Variants in PIK3C2G observed in about 807,000 individuals in gnomAD.
PIK3C2G encodes the protein phosphatidylinositol 3-kinase C2 domain-containing subunit gamma.
A neutral mutation model predicts 181.1 loss-of-function variants in PIK3C2G; 168 were observed. That is an observed-to-expected ratio of 0.93 (90% CI 0.82 to 1.05). The LOEUF (loss-of-function observed/expected upper bound fraction) is 1.05, where lower values mean the gene tolerates loss of function less well. Among genes scored for constraint, PIK3C2G ranks in the 50% least tolerant of loss-of-function variants. PIK3C2G has a pLI of 0.00. For synonymous variants in PIK3C2G, 573 were observed against 592.2 expected (o/e 0.97, Z 0.47); for missense variants, 1,869 against 1,732.8 (o/e 1.08, Z -1.40).
At position 18,290,836 on chromosome 12, in the gene PIK3C2G, C is replaced by G; in HGVS notation, c.762-19C>G. 1 of 1,537,668 alleles carries G rather than the reference C, an allele frequency of 6.5e-7. No homozygotes were observed. The highest frequency in any genetic ancestry group is 9.0e-7 in the Non-Finnish European group (1 of 1,116,320). On this transcript the variant is annotated intron_variant, in intron 3 of 32. Transcript: ENST00000538779. The stretch of plus-strand genomic sequence containing the variant: ...TGCAGGTCTTGTCCTAAGTATTTTT[C>G]TTAACATATGTTTTTCAGAATCAGA...
At chr12:18,540,899 ACT>A (rs1043624018) in intron 25 of PIK3C2G, among the ~76,000 whole-genome samples, 2 of 151,722 alleles carry the variant, frequency 1.3e-5, no homozygotes, top group African/African-American at 2.4e-5. Context: ...TTACCTCTCA[ACT>A]CTCTTCTTCT....
chr12:18,546,262 T>G lies in PIK3C2G; in HGVS notation c.3481-61T>G, dbSNP rs904433807. ...TCTGGGTAGAATTAATCAAGTAAGC[T>G]TGATTGTATCTGCATTTATTCTGTC... On this transcript the variant is annotated intron_variant, in intron 25 of 32. Coordinates refer to ENST00000538779, the MANE Select transcript of PIK3C2G (RefSeq NM_001288772.2). 3.2e-5 allele frequency: 32 copies of G among 1,007,796 alleles called. No individual in the cohort carries two copies. In the East Asian group the frequency reaches 8.1e-4, roughly 25 times the overall value. The allele number at this position is 1,007,796 out of a possible 1,614,324, so 62.4% of individuals were successfully genotyped here. A position where few individuals can be genotyped will look rare whatever the true frequency, so the allele number is the denominator to read the frequency against.
At chr12:18,394,805 G>A (rs1489417937) in intron 15 of PIK3C2G, among the ~76,000 whole-genome samples, 2 of 151,880 alleles carry the variant, frequency 1.3e-5, no homozygotes, top group African/African-American at 4.8e-5. Context: ...CTTGTAACCT[G>A]AGGGACAATA....
chr12:18,356,927 C>T (rs767016723), intron 11 of PIK3C2G, among the ~76,000 whole-genome samples: 9 of 151,982 alleles, frequency 5.9e-5, no homozygotes, highest in Admixed American at 6.6e-5. Context: ...CAGGAAGACA[C>T]GTCCTCACTT....
intron 7 of PIK3C2G, among the ~76,000 whole-genome samples, chr12:18,322,781 G>C (rs1951168335): frequency 6.6e-6 from 1 of 152,170 alleles, no homozygotes; most frequent in African/African-American, 2.4e-5. Context: ...GAATGGCTAG[G>C]ACTAGAAAGG....
intron 1 of PIK3C2G, 143 bp from the exon 2 acceptor site, chr12:18,281,861 G>C: frequency 2.0e-6 from 1 of 501,802 alleles, no homozygotes; most frequent in Admixed American, 3.7e-5. Context: ...CCCTGATAGA[G>C]TTTTATAGTA....
At chr12:18,350,914 C>T (rs1175963043) in intron 11 of PIK3C2G, among the ~76,000 whole-genome samples, 1 of 152,042 alleles carries the variant, frequency 6.6e-6, no homozygotes, top group Non-Finnish European at 1.5e-5. Flanking sequence ...GGAATTAATA[C>T]ATTACTGAGA....
chr12:18,610,810 A>C (rs985206279), intron 31 of PIK3C2G, among the ~76,000 whole-genome samples: 1 of 151,834 alleles, frequency 6.6e-6, no homozygotes, highest in African/African-American at 2.4e-5. Flanking sequence ...ATTAAGAAAT[A>C]TTAATCAAGT....
chr12:18,418,838 A>G (rs1237571783), intron 16 of PIK3C2G, among the ~76,000 whole-genome samples: 1 of 152,152 alleles, frequency 6.6e-6, no homozygotes, highest in Admixed American at 6.6e-5. Flanking sequence ...GGAGTTATCA[A>G]CTCCACAGGG....
chr12:18,523,569 G>T (rs1943047828), intron 24 of PIK3C2G, among the ~76,000 whole-genome samples: 1 of 152,200 alleles, frequency 6.6e-6, no homozygotes, highest in Non-Finnish European at 1.5e-5. Flanking sequence ...GGCTCAGTTG[G>T]ATTACCTGTT....
chr12:18,708,807 T>C, the PIK3C2G span, among the ~76,000 whole-genome samples: 1 of 152,206 alleles, frequency 6.6e-6, no homozygotes, highest in Admixed American at 6.5e-5. Context: ...CATTTTTATG[T>C]CTTCTTTGGA....
chr12:18,496,260 T>C lies in PIK3C2G; in HGVS notation c.2886+106T>C, dbSNP rs1047459676. On this transcript the variant is annotated intron_variant, in intron 21 of 32. Coordinates refer to ENST00000538779, the MANE Select transcript of PIK3C2G (RefSeq NM_001288772.2). ...GCTATTTTCCTCCAGCAACAACACA[T>C]AGGTTTTTCAGTTATTTTAGAGTCT... The C allele has an allele frequency of 1.3e-4, 94 of 700,256 alleles. No homozygotes were observed. The South Asian group carries it at 1.5e-3, about 11-fold the overall frequency. The allele number at this position is 700,256 out of a possible 1,614,324, so 43.4% of individuals were successfully genotyped here.
intron 5 of PIK3C2G, among the ~76,000 whole-genome samples, chr12:18,313,700 T>A (rs1171542886): frequency 6.6e-6 from 1 of 152,116 alleles, no homozygotes; most frequent in Non-Finnish European, 1.5e-5. Flanking sequence ...TTTTCTAACT[T>A]ATTAATGCAC....
chr12:18,296,322 GA>G (rs779827396), intron 5 of PIK3C2G, among the ~76,000 whole-genome samples: 1 of 152,072 alleles, frequency 6.6e-6, no homozygotes, highest in Non-Finnish European at 1.5e-5. Flanking sequence ...GATGTTGTTA[GA>G]AAAAGAATTC....
At chr12:18,683,548 C>T in the PIK3C2G span, 1 of 1,500,088 alleles carries the variant, frequency 6.7e-7, no homozygotes, top group Non-Finnish European at 8.9e-7. Flanking sequence ...TCATACTTCT[C>T]CTTCCGCAAA....
chr12:18,437,802 A>G (rs1267592915), intron 18 of PIK3C2G, among the ~76,000 whole-genome samples: 2 of 151,994 alleles, frequency 1.3e-5, no homozygotes, highest in East Asian at 3.8e-4. Context: ...TAGATAATCA[A>G]TTACTAGATA....
At chr12:18,367,519 C>T (rs1350173321) in intron 12 of PIK3C2G, among the ~76,000 whole-genome samples, 6 of 152,064 alleles carry the variant, frequency 3.9e-5, no homozygotes, top group Admixed American at 3.3e-4. Context: ...CATAAAGATA[C>T]TACAAGAGAC....
intron 26 of PIK3C2G, among the ~76,000 whole-genome samples, chr12:18,550,324 G>A (rs1307053898): frequency 6.6e-6 from 1 of 152,028 alleles, no homozygotes; most frequent in African/African-American, 2.4e-5. Flanking sequence ...GTGAATTTAT[G>A]AAAGCAGCCT....
At chr12:18,305,996 T>C (rs1950405228) in intron 5 of PIK3C2G, among the ~76,000 whole-genome samples, 1 of 151,988 alleles carries the variant, frequency 6.6e-6, no homozygotes. Context: ...TACTTGTCTT[T>C]TGTGACTGTG....
Sources: gnomAD v4.1 joint callset for allele counts (sites outside exome capture counted in the v4.1 genomes callset) on GRCh38, gnomAD v4.1.1 for gene constraint, MANE v1.5 for transcripts, NCBI Gene and HGNC (gene_info 2026-07-23, HGNC 2026-07-21) for gene names.